Variants in GXYLT2 observed in about 807,000 individuals in gnomAD.
The protein encoded by GXYLT2 is glycosyltransferase 8 domain containing 4.
GXYLT2 carries 53 observed loss-of-function variants against 45.8 expected under a neutral mutation model. The ratio of observed to expected loss-of-function variants is 1.16; its 90% CI spans 0.93 to 1.46. The LOEUF (loss-of-function observed/expected upper bound fraction) is 1.46. Ranked by LOEUF, GXYLT2 falls within the 40% of genes most tolerant of loss-of-function variation. GXYLT2 has a pLI of 0.00. For missense variants in GXYLT2, 551 were observed against 544.4 expected (o/e 1.01, Z -0.12); for synonymous variants, 219 against 214.2 (o/e 1.02, Z -0.19).
intron 2 of GXYLT2, among the ~76,000 whole-genome samples, chr3:72,921,127 A>T (rs192306745): frequency 1.6e-3 from 247 of 152,090 alleles, no homozygotes; most frequent in Non-Finnish European, 2.7e-3. Context: ...GGCCTCATGC[A>T]TATATTTTTT....
At chr3:72,911,697 G>C (rs1260574442) in intron 2 of GXYLT2, among the ~76,000 whole-genome samples, 1 of 152,120 alleles carries the variant, frequency 6.6e-6, no homozygotes, top group Non-Finnish European at 1.5e-5. Context: ...GAGAGGCCCT[G>C]AAACAGAACA....
chr3:72,928,113 T>G (rs911819183), intron 3 of GXYLT2, among the ~76,000 whole-genome samples: 30 of 152,226 alleles, frequency 2.0e-4, no homozygotes, highest in African/African-American at 7.0e-4. Context: ...TTCTAGCAGC[T>G]TAGCAGCTAC....
chr3:72,888,154 T>A lies in GXYLT2; in HGVS notation c.-80T>A, dbSNP rs1709100610. 99 of 931,992 alleles carry A rather than the reference T, an allele frequency of 1.1e-4. 2 individuals carry two copies. The South Asian group carries it at 4.1e-3, about 39-fold the overall frequency. 57.7% of individuals were successfully genotyped at this position (931,992 alleles called of 1,614,324 possible). A position where few individuals can be genotyped will look rare whatever the true frequency, so the allele number is the denominator to read the frequency against. ...GGCGGAGGAGGCGACCGCCGCGCGC[T>A]GCTGCACTCATCCTGCCGCCGCCGC... On this transcript the variant is annotated 5_prime_UTR_variant, in exon 1 of 7. Coordinates refer to ENST00000389617, the MANE Select transcript of GXYLT2 (RefSeq NM_001080393.2).
intron 1 of GXYLT2, among the ~76,000 whole-genome samples, chr3:72,888,861 A>C (rs1234814755): frequency 2.0e-5 from 3 of 152,176 alleles, no homozygotes; most frequent in Non-Finnish European, 2.9e-5. Context: ...TCTAATTCTC[A>C]TGTTTCACTG....
At chr3:72,918,990 G>A (rs1709785561) in intron 2 of GXYLT2, among the ~76,000 whole-genome samples, 1 of 152,196 alleles carries the variant, frequency 6.6e-6, no homozygotes, top group Non-Finnish European at 1.5e-5. Context: ...ACCAAATGCT[G>A]GTGAGGATGT....
intron 6 of GXYLT2, among the ~76,000 whole-genome samples, chr3:72,972,642 GAAA>G (rs71126813): frequency 2.4e-5 from 2 of 84,556 alleles, no homozygotes; most frequent in Non-Finnish European, 4.1e-5. Flanking sequence ...CTCTGTCTCG[GAAA>G]AAAAAAAAAA....
intron 3 of GXYLT2, among the ~76,000 whole-genome samples, chr3:72,944,425 T>C (rs1410659267): frequency 6.6e-6 from 1 of 152,040 alleles, no homozygotes; most frequent in African/African-American, 2.4e-5. Context: ...CAGCTAATTT[T>C]TGTATTTTTA....
chr3:72,890,321 C>T (rs1409237113), intron 1 of GXYLT2, among the ~76,000 whole-genome samples: 5 of 152,256 alleles, frequency 3.3e-5, no homozygotes, highest in African/African-American at 1.2e-4. Context: ...CCCACCCCAA[C>T]CCTACAGAAT....
At chr3:72,957,504 C>G (rs569220231) in intron 5 of GXYLT2, among the ~76,000 whole-genome samples, 152 bp downstream of exon 5, 2 of 152,058 alleles carry the variant, frequency 1.3e-5, no homozygotes, top group East Asian at 1.9e-4. Context: ...CATCCGCCCC[C>G]CTGGGTATCT....
chr3:72,931,420 G>A (rs1297688118), intron 3 of GXYLT2, among the ~76,000 whole-genome samples: 1 of 151,748 alleles, frequency 6.6e-6, no homozygotes, highest in East Asian at 1.9e-4. Context: ...TAGTAGAGAC[G>A]GGGTTTCACC....
intron 5 of GXYLT2, among the ~76,000 whole-genome samples, chr3:72,966,152 T>C (rs1401548755): frequency 2.0e-5 from 3 of 151,962 alleles, no homozygotes; most frequent in African/African-American, 7.3e-5. Context: ...CTAATGTTTG[T>C]ATTTTTAGTA....
intron 3 of GXYLT2, among the ~76,000 whole-genome samples, chr3:72,941,974 T>G (rs1227204147): frequency 2.6e-5 from 4 of 152,104 alleles, no homozygotes; most frequent in Non-Finnish European, 4.4e-5. Flanking sequence ...AACCCAGGGC[T>G]CCTGGGAGAA....
intron 3 of GXYLT2, chr3:72,928,924 C>T (rs1426210230): frequency 1.1e-5 from 8 of 711,880 alleles, no homozygotes; most frequent in East Asian, 1.1e-4. Flanking sequence ...TCCCCCATCC[C>T]GGCCGGCCGC....
intron 3 of GXYLT2, among the ~76,000 whole-genome samples, chr3:72,930,035 G>A (rs1036386214): frequency 4.7e-5 from 7 of 148,482 alleles, no homozygotes; most frequent in African/African-American, 5.0e-5. Context: ...GCGTGGTGGC[G>A]TGCACCTGTA....
At position 72,922,302 on chromosome 3, in the gene GXYLT2, C is replaced by G; in HGVS notation, c.567C>G (p.Phe189Leu). The G allele has an allele frequency of 6.2e-7, 1 of 1,613,820 alleles. No individual in the cohort carries two copies. The highest frequency in any genetic ancestry group is 8.5e-7 in the Non-Finnish European group (1 of 1,179,806). Residue 189 changes from phenylalanine (F) to leucine (L), a missense_variant, in exon 3 of 7, where the codon TTC (phenylalanine) becomes TTG (leucine). Physicochemically the swap from Phe to Leu is conservative, Grantham distance 22. Coordinates refer to ENST00000389617, the MANE Select transcript of GXYLT2 (RefSeq NM_001080393.2). Reference protein sequence around the residue: ...VGNPQEWKKLFKPCAAQRLFL... With the variant: ...VGNPQEWKKLLKPCAAQRLFL... ...ACCCTCAGGAGTGGAAGAAATTGTT[C>G]AAACCCTGTGCTGCCCAGAGACTCT...
At chr3:72,929,051 G>A (rs1329227496) in intron 3 of GXYLT2, 20 of 1,574,446 alleles carry the variant, frequency 1.3e-5, no homozygotes, top group Non-Finnish European at 1.7e-5. Flanking sequence ...CGTGACGACC[G>A]CGTCCACCTC....
chr3:72,914,554 C>T (rs956180969), intron 2 of GXYLT2, among the ~76,000 whole-genome samples: 10 of 151,744 alleles, frequency 6.6e-5, no homozygotes, highest in Admixed American at 2.0e-4. Context: ...TGTGCGCGCG[C>T]GCGCTTGCGT....
chr3:72,957,023 A>G (rs544188588), intron 4 of GXYLT2, among the ~76,000 whole-genome samples: 9 of 147,336 alleles, frequency 6.1e-5, no homozygotes, highest in Admixed American at 4.9e-4. Flanking sequence ...TCCCTGGTCT[A>G]TCTAGTATCC....
intron 2 of GXYLT2, among the ~76,000 whole-genome samples, chr3:72,918,855 A>G (rs548886611): frequency 9.2e-5 from 14 of 152,256 alleles, no homozygotes; most frequent in Non-Finnish European, 1.9e-4. Context: ...TAAGATACAC[A>G]GATGGCAAAC....
Sources: gnomAD v4.1 joint callset for allele counts (sites outside exome capture counted in the v4.1 genomes callset) on GRCh38, gnomAD v4.1.1 for gene constraint, MANE v1.5 for transcripts, NCBI Gene and HGNC (gene_info 2026-07-23, HGNC 2026-07-21) for gene names.